Variants in ARHGAP20 observed in about 807,000 individuals in gnomAD.
The protein encoded by ARHGAP20 is rho GTPase-activating protein 20.
ARHGAP20 carries 34 observed loss-of-function variants against 73.7 expected under a neutral mutation model. The observed-to-expected ratio is 0.46, with a 90% CI of 0.35 to 0.61. The LOEUF is 0.61. ARHGAP20 is among the 20% of genes least tolerant of loss of function. The pLI is 0.00. For missense variants in ARHGAP20, 1,314 were observed against 1,420.9 expected, an observed-to-expected ratio of 0.92 and a Z score of 1.21; for synonymous variants, 523 against 518.2, an observed-to-expected ratio of 1.01 and a Z score of -0.13.
At chr11:110,588,694 GCTT>G (rs1382666135) in intron 11 of ARHGAP20, among the ~76,000 whole-genome samples, 1 of 152,302 alleles carries the variant, frequency 6.6e-6, no homozygotes, top group East Asian at 1.9e-4. Flanking sequence ...CTAGAACCAT[GCTT>G]CTTTGCAATA....
rs1037230358 is a variant in ARHGAP20, at chr11:110,711,574, C to T, written c.105+553G>A. 38 of 1,459,232 alleles carry T rather than the reference C, an allele frequency of 2.6e-5. No individual in the cohort carries two copies. The African/African-American group carries it at 5.1e-4, about 20-fold the overall frequency. The allele number at this position is 1,459,232 out of a possible 1,614,324, so 90.4% of individuals were successfully genotyped here. A position where few individuals can be genotyped will look rare whatever the true frequency, so the allele number is the denominator to read the frequency against. Reference sequence around the variant, plus strand: ...GGGGGCAGTACTCCCCATATCTGCCCCCCGAAAACTGCTATGGAGCAGCCG... The same window carrying T: ...GGGGGCAGTACTCCCCATATCTGCCTCCCGAAAACTGCTATGGAGCAGCCG... On this transcript the variant is annotated intron_variant, in intron 1 of 14. Coordinates refer to ENST00000683387, the MANE Select transcript of ARHGAP20 (RefSeq NM_001384657.1).
chr11:110,625,053 C>T (rs1374339571), intron 3 of ARHGAP20, among the ~76,000 whole-genome samples: 18 of 136,222 alleles, frequency 1.3e-4, no homozygotes, highest in Non-Finnish European at 2.2e-4. Flanking sequence ...TTTTTTGAGA[C>T]GGAGTCTCGC....
Position 110,687,035 on chromosome 11 carries a change from C to CATATATATATATATATATATATAT in ARHGAP20, c.188+3511_188+3512insATATATATATATATATATATATAT, listed in dbSNP as rs142490183. Among the ~76,000 whole-genome samples, 1,173 of 121,278 alleles carry CATATATATATATATATATATATAT rather than the reference C, an allele frequency of 9.7e-3. 25 individuals carry two copies. Among genetic ancestry groups the CATATATATATATATATATATATAT allele is most frequent in the African/African-American group, 0.018 (517 of 29,478 alleles). 79.6% of individuals were successfully genotyped at this position (121,278 alleles called of 152,430 possible). A position where few individuals can be genotyped will look rare whatever the true frequency, so the allele number is the denominator to read the frequency against. On this transcript the variant is annotated intron_variant, in intron 2 of 14. Transcript: ENST00000683387. The stretch of plus-strand genomic sequence containing the variant: ...GCAGGAAATTAACTGAAGATTAAAA[C>CATATATATATATATATATATATAT]ATATATATATATATATATATAGACA...
chr11:110,589,127 T>C (rs985255425), intron 11 of ARHGAP20, among the ~76,000 whole-genome samples: 2 of 152,156 alleles, frequency 1.3e-5, no homozygotes, highest in Non-Finnish European at 2.9e-5. Flanking sequence ...AAGAGATATA[T>C]ATAAAAAAGG....
chr11:110,598,184 T>TC, intron 9 of ARHGAP20, among the ~76,000 whole-genome samples: 1 of 151,908 alleles, frequency 6.6e-6, no homozygotes, highest in African/African-American at 2.4e-5. Flanking sequence ...TTTTTTTTTT[T>TC]TCCCCTAGAG....
At chr11:110,705,630 T>C (rs1950539535) in intron 1 of ARHGAP20, among the ~76,000 whole-genome samples, 1 of 152,194 alleles carries the variant, frequency 6.6e-6, no homozygotes, top group Admixed American at 6.5e-5. Flanking sequence ...TCTTCTGCCA[T>C]GGTAAAATGC....
chr11:110,692,743 T>C (rs1035669970), intron 1 of ARHGAP20, among the ~76,000 whole-genome samples: 12 of 152,064 alleles, frequency 7.9e-5, no homozygotes, highest in Non-Finnish European at 1.8e-4. Flanking sequence ...ATTCTTCATT[T>C]AGAAACAGTA....
intron 2 of ARHGAP20, among the ~76,000 whole-genome samples, chr11:110,638,841 G>A (rs1264739848): frequency 6.6e-6 from 1 of 151,902 alleles, no homozygotes; most frequent in Non-Finnish European, 1.5e-5. Context: ...CACACACTGG[G>A]GACTGTTGCG....
At chr11:110,593,919 C>CT (rs2134835566) in intron 9 of ARHGAP20, among the ~76,000 whole-genome samples, 1 of 152,350 alleles carries the variant, frequency 6.6e-6, no homozygotes, top group South Asian at 2.1e-4. Flanking sequence ...GGTAATTAGA[C>CT]TGGCTGTGTG....
At chr11:110,687,551 G>A (rs926429589) in intron 2 of ARHGAP20, among the ~76,000 whole-genome samples, 6 of 152,044 alleles carry the variant, frequency 3.9e-5, no homozygotes, top group African/African-American at 1.4e-4. Context: ...CAGTGAGTCA[G>A]GTAAGTGTTA....
intron 2 of ARHGAP20, among the ~76,000 whole-genome samples, chr11:110,647,967 G>A (rs1319273047): frequency 1.3e-5 from 2 of 151,642 alleles, no homozygotes; most frequent in Non-Finnish European, 2.9e-5. Flanking sequence ...CCATTGATAT[G>A]TTATAAAGAA....
chr11:110,622,014 G>A (rs2134926653), intron 4 of ARHGAP20, among the ~76,000 whole-genome samples: 1 of 152,304 alleles, frequency 6.6e-6, no homozygotes, highest in South Asian at 2.1e-4. Context: ...TGTGGGGTTT[G>A]GTGATCAGCC....
chr11:110,626,008 C>T (rs1948736420), intron 3 of ARHGAP20, among the ~76,000 whole-genome samples: 2 of 152,092 alleles, frequency 1.3e-5, no homozygotes, highest in Non-Finnish European at 2.9e-5. Context: ...ATTTATGATT[C>T]CCACAGAATT....
intron 9 of ARHGAP20, among the ~76,000 whole-genome samples, chr11:110,603,627 A>C (rs1364925705): frequency 6.6e-6 from 1 of 152,206 alleles, no homozygotes; most frequent in African/African-American, 2.4e-5. Context: ...CCTCGATGCA[A>C]GAGCAAAGGC....
intron 11 of ARHGAP20, among the ~76,000 whole-genome samples, chr11:110,588,647 C>A (rs892336306): frequency 6.6e-6 from 1 of 152,094 alleles, no homozygotes; most frequent in Non-Finnish European, 1.5e-5. Context: ...TATTTTTGGA[C>A]AAATATTTCT....
At chr11:110,645,681 T>C (rs1949176049) in intron 2 of ARHGAP20, among the ~76,000 whole-genome samples, 1 of 152,184 alleles carries the variant, frequency 6.6e-6, no homozygotes, top group South Asian at 2.1e-4. Context: ...TGTATGTTCA[T>C]TGCAGCACTA....
intron 1 of ARHGAP20, among the ~76,000 whole-genome samples, chr11:110,711,436 T>C (rs969084878): frequency 1.5e-5 from 2 of 134,724 alleles, no homozygotes; most frequent in Non-Finnish European, 3.2e-5. Context: ...TGCTCGGTTC[T>C]AGGCCCAGCC....
intron 2 of ARHGAP20, among the ~76,000 whole-genome samples, chr11:110,669,149 A>C (rs887669399): frequency 6.6e-6 from 1 of 152,200 alleles, no homozygotes; most frequent in Non-Finnish European, 1.5e-5. Context: ...GGCTCTTTGA[A>C]AAACATTGTT....
chr11:110,673,423 A>T (rs1485444132), intron 2 of ARHGAP20, among the ~76,000 whole-genome samples: 2 of 152,238 alleles, frequency 1.3e-5, no homozygotes, highest in Non-Finnish European at 2.9e-5. Context: ...AAAAAATTTT[A>T]AAATCAGATA....
Sources: gnomAD v4.1 joint callset for allele counts (sites outside exome capture counted in the v4.1 genomes callset) on GRCh38, gnomAD v4.1.1 for gene constraint, MANE v1.5 for transcripts, NCBI Gene and HGNC (gene_info 2026-07-23, HGNC 2026-07-21) for gene names.